Variants in TDRD12 observed in about 807,000 individuals in gnomAD.
TDRD12 encodes putative ATP-dependent RNA helicase TDRD12.
TDRD12 carries 158 observed loss-of-function variants against 133.5 expected under a neutral mutation model. The observed-to-expected ratio is 1.18, with a 90% CI of 1.04 to 1.35. TDRD12 has a LOEUF of 1.35. Among genes scored for constraint, TDRD12 ranks in the 40% most tolerant of loss-of-function variants. The probability of loss-of-function intolerance (pLI) is 0.00; values close to 1 mark genes in which losing one functional copy is unlikely to be tolerated. For missense variants in TDRD12, 1,443 were observed against 1,321.3 expected, an observed-to-expected ratio of 1.09 and a Z score of -1.43; for synonymous variants, 460 against 477.9, an observed-to-expected ratio of 0.96 and a Z score of 0.49.
chr19:32,756,410 C>T (rs1437741605), intron 7 of TDRD12, among the ~76,000 whole-genome samples: 5 of 151,446 alleles, frequency 3.3e-5, no homozygotes, highest in Non-Finnish European at 4.4e-5. Context: ...TTTTTTGAGA[C>T]GGAGTCTCGG....
chr19:32,734,992 C>G (rs1969182946), intron 2 of TDRD12, among the ~76,000 whole-genome samples: 1 of 152,198 alleles, frequency 6.6e-6, no homozygotes, highest in Non-Finnish European at 1.5e-5. Context: ...TGTGTTCTGA[C>G]TGCTCCACCA....
exon 9 of TDRD12, chr19:32,826,565 A>G: frequency 8.1e-7 from 1 of 1,240,382 alleles, no homozygotes; most frequent in Non-Finnish European, 1.0e-6. Flanking sequence ...CCAAAGAGAG[A>G]AGGGAGGCAT....
At position 32,772,851 on chromosome 19, in the gene TDRD12, G is replaced by A. The variant is rs1176835993; in HGVS notation, c.963+1G>A. The A allele has an allele frequency of 2.1e-6, 3 of 1,409,204 alleles. No individual in the cohort carries two copies. The highest frequency in any genetic ancestry group is 2.8e-6 in the Non-Finnish European group (3 of 1,063,674). The allele number at this position is 1,409,204 out of a possible 1,614,324, so 87.3% of individuals were successfully genotyped here. A position where few individuals can be genotyped will look rare whatever the true frequency, so the allele number is the denominator to read the frequency against. On this transcript the variant is annotated splice_donor_variant, in intron 9 of 27. Coordinates refer to ENST00000444215, the Ensembl canonical transcript of TDRD12. LOFTEE classifies it high-confidence loss of function. ...CATCTCTTTAAAAGATACAAATAAG[G>A]TTGTATTTTAAAAATGTTCTTTAAA... is the stretch of plus-strand genomic sequence containing the variant.
intron 8 of TDRD12, among the ~76,000 whole-genome samples, chr19:32,759,414 AT>A (rs747963142): frequency 1.3e-3 from 183 of 144,214 alleles, no homozygotes; most frequent in East Asian, 3.0e-3. Context: ...CAGTCTGGGA[AT>A]TTTTTTTTTT....
At chr19:32,719,971 C>G in exon 1 of TDRD12, 1 of 1,429,718 alleles carries the variant, frequency 7.0e-7, no homozygotes, top group South Asian at 1.2e-5. Context: ...AAGGAACGCA[C>G]TCGCGGCGGG....
chr19:32,791,913 G>A (rs1234676672), intron 13 of TDRD12, among the ~76,000 whole-genome samples: 2 of 150,170 alleles, frequency 1.3e-5, no homozygotes, highest in African/African-American at 4.9e-5. Flanking sequence ...CAGACATCAG[G>A]GATCATGGAC....
chr19:32,722,467 A>G (rs1289774988), intron 1 of TDRD12, among the ~76,000 whole-genome samples: 1 of 152,104 alleles, frequency 6.6e-6, no homozygotes, highest in Non-Finnish European at 1.5e-5. Flanking sequence ...AGTGCTGTGT[A>G]GGTACCACCT....
chr19:32,821,269 C>T (rs912806276), downstream of TDRD12: 18 of 840,524 alleles, frequency 2.1e-5, no homozygotes, highest in Non-Finnish European at 5.4e-6. Flanking sequence ...CCTAACTGTT[C>T]TTATTTTTGA....
At chr19:32,790,874 C>A in intron 12 of TDRD12, 90 bp from the exon 13 acceptor site, 1 of 1,473,084 alleles carries the variant, frequency 6.8e-7, no homozygotes, top group Non-Finnish European at 8.9e-7. Context: ...ACATTGAAAT[C>A]TATATTTTCT....
intron 6 of TDRD12, among the ~76,000 whole-genome samples, chr19:32,752,992 C>A (rs1969879906): frequency 6.6e-6 from 1 of 151,838 alleles, no homozygotes. Flanking sequence ...CGGGGTTTCA[C>A]TGTGCTAGCC....
At chr19:32,778,047 A>G (rs1387853696) in intron 11 of TDRD12, among the ~76,000 whole-genome samples, 2 of 150,974 alleles carry the variant, frequency 1.3e-5, no homozygotes, top group African/African-American at 4.9e-5. Context: ...ATTGGCCTCA[A>G]CAGTTTTACA....
At chr19:32,794,296 G>C (rs1971159188) in intron 13 of TDRD12, among the ~76,000 whole-genome samples, 1 of 151,332 alleles carries the variant, frequency 6.6e-6, no homozygotes, top group Non-Finnish European at 1.5e-5. Context: ...GTAGAGATGG[G>C]GTTTCACCAT....
intron 27 of TDRD12, among the ~76,000 whole-genome samples, chr19:32,820,096 C>T (rs753424869): frequency 1.3e-5 from 2 of 152,062 alleles, no homozygotes; most frequent in African/African-American, 4.8e-5. Flanking sequence ...AGAGGGTGGG[C>T]GACTGCACAG....
intron 8 of TDRD12, among the ~76,000 whole-genome samples, chr19:32,759,835 C>G (rs1970101784): frequency 6.6e-6 from 1 of 152,178 alleles, no homozygotes; most frequent in Non-Finnish European, 1.5e-5. Context: ...GCCAGGGTGT[C>G]AGGCCGCTTC....
chr19:32,790,660 C>T lies in TDRD12; in HGVS notation c.1182+69C>T, dbSNP rs1269926286. On this transcript the variant is annotated intron_variant, in intron 12 of 27. Coordinates refer to ENST00000444215, the Ensembl canonical transcript of TDRD12. ...ACTGTTTATTCTTTAAATCCTTCTC[C>T]TTCCTCCCTCCAGACTTGAGATTAG... is the stretch of plus-strand genomic sequence containing the variant. 17 of 1,551,636 alleles carry T rather than the reference C, an allele frequency of 1.1e-5. No individual in the cohort carries two copies. The East Asian group carries it at 4.2e-4, about 38-fold the overall frequency.
At chr19:32,788,855 G>A (rs943602008) in intron 11 of TDRD12, among the ~76,000 whole-genome samples, 1 of 152,160 alleles carries the variant, frequency 6.6e-6, no homozygotes, top group African/African-American at 2.4e-5. Context: ...CCAAGGGAAG[G>A]CTTCTCCTGT....
chr19:32,724,639 G>A (rs1968801681), intron 1 of TDRD12, among the ~76,000 whole-genome samples: 1 of 152,096 alleles, frequency 6.6e-6, no homozygotes, highest in African/African-American at 2.4e-5. Flanking sequence ...GGGCATTTGG[G>A]TTGATTCCAT....
intron 21 of TDRD12, among the ~76,000 whole-genome samples, chr19:32,804,228 A>G (rs1284529939): frequency 6.6e-6 from 1 of 151,506 alleles, no homozygotes; most frequent in African/African-American, 2.4e-5. Flanking sequence ...ACCTGCCACC[A>G]TGCCCAGCTA....
At position 32,803,149 on chromosome 19, in the gene TDRD12, C is replaced by T; in HGVS notation, c.2552+7C>T. On this transcript the variant is annotated splice_region_variant and intron_variant, in intron 21 of 27. Transcript: ENST00000444215. ...AGGCTTTTGGTTTTTGCAAGTGAGCCAGTAATTTGTTTCTTATTAAACTGA... is the reference window on the plus strand; with the variant it reads ...AGGCTTTTGGTTTTTGCAAGTGAGCTAGTAATTTGTTTCTTATTAAACTGA... The T allele has an allele frequency of 6.6e-7, 1 of 1,506,430 alleles. No individual in the cohort carries two copies. Among genetic ancestry groups the T allele is most frequent in the Non-Finnish European group, 8.8e-7 (1 of 1,135,880 alleles). 93.3% of individuals were successfully genotyped at this position (1,506,430 alleles called of 1,614,324 possible).
Sources: allele counts gnomAD v4.1 joint callset (sites outside exome capture counted in the v4.1 genomes callset), GRCh38; gene constraint gnomAD v4.1.1; transcripts MANE v1.5; gene names NCBI Gene and HGNC (gene_info 2026-07-23, HGNC 2026-07-21).